SLC25A28: variants seen among roughly 807,000 people sequenced by gnomAD.
The protein encoded by SLC25A28 is solute carrier family 25 member 28.
In SLC25A28, 10 loss-of-function variants were observed where a neutral mutation model predicts 31.9. The observed-to-expected ratio is 0.31, with a 90% CI of 0.19 to 0.53. SLC25A28 has a LOEUF of 0.53. Ranked by LOEUF, SLC25A28 falls within the 20% of genes least tolerant of loss-of-function variation. The pLI is 0.95. For missense variants in SLC25A28, 256 were observed against 490.3 expected, an observed-to-expected ratio of 0.52 and a Z score of 4.51; for synonymous variants, 208 against 203.6, an observed-to-expected ratio of 1.02 and a Z score of -0.19.
chr10:99,613,840 C>T lies in SLC25A28; in HGVS notation c.376G>A (p.Gly126Ser). The T allele has an allele frequency of 6.2e-7, 1 of 1,614,182 alleles. No homozygotes were observed. The highest frequency in any genetic ancestry group is 8.5e-7 in the Non-Finnish European group (1 of 1,180,022). Residue 126 changes from glycine to serine, a missense_variant, in exon 2 of 4, where the codon GGC (glycine) becomes AGC (serine). By Grantham distance (56) the Gly-to-Ser change is moderately conservative (BLOSUM62 0). Transcript: ENST00000370495. This position sits in a 1 kb window ranked among gnomAD's most constrained non-coding sequence, Gnocchi z 4.9. ...EALWRIIRTE[G>S]LWRPMRGLNV... ...AGCCCCCTCATGGGCCTCCATAGGC[C>T]CTCCGTTCTTATAATCCTCCAGAGG...
In SLC25A28 at chr10:99,611,388, A is replaced by G. The variant is rs2034520845; in HGVS notation, c.578-22T>C. 2 of 1,610,584 alleles carry G rather than the reference A, an allele frequency of 1.2e-6. No homozygotes were observed. The highest frequency in any genetic ancestry group is 2.7e-5 in the African/African-American group (2 of 74,938). ...ACCACTAGTAGTGCCATCAACGAGGAAGGAAATGGTGACAGCAGCCAACCG... is the reference window on the plus strand; with the variant it reads ...ACCACTAGTAGTGCCATCAACGAGGGAGGAAATGGTGACAGCAGCCAACCG... On this transcript the variant is annotated intron_variant, in intron 3 of 3. Coordinates refer to ENST00000370495, the MANE Select transcript of SLC25A28 (RefSeq NM_031212.4). The surrounding 1 kb of genome is among the most constrained non-coding windows in gnomAD (Gnocchi z 5.5).
upstream of SLC25A28, among the ~76,000 whole-genome samples, chr10:99,624,671 C>T (rs1165053053): frequency 6.6e-6 from 1 of 152,098 alleles, no homozygotes; most frequent in African/African-American, 2.4e-5. Flanking sequence ...CCTGTCTCTA[C>T]TAAAAATACA....
chr10:99,612,862 T>C (rs1262327376), intron 2 of SLC25A28, among the ~76,000 whole-genome samples: 1 of 152,036 alleles, frequency 6.6e-6, no homozygotes, highest in African/African-American at 2.4e-5. Context: ...TAAAGATCAT[T>C]CTGAGAATAA....
At chr10:99,629,953 C>T in the SLC25A28 span, among the ~76,000 whole-genome samples, 1 of 152,114 alleles carries the variant, frequency 6.6e-6, no homozygotes, top group Non-Finnish European at 1.5e-5. Flanking sequence ...GTGGGTGGAT[C>T]GCTTGAGCCT....
At chr10:99,617,865 A>G (rs773016766) in intron 1 of SLC25A28, 14 of 774,296 alleles carry the variant, frequency 1.8e-5, no homozygotes, top group South Asian at 5.9e-5. Context: ...TAAATGAGTA[A>G]GAACTGTTCT....
At chr10:99,646,749 C>A in the SLC25A28 span, among the ~76,000 whole-genome samples, 1 of 152,208 alleles carries the variant, frequency 6.6e-6, no homozygotes, top group Non-Finnish European at 1.5e-5. Context: ...GTAAAGTCTG[C>A]ACTTTTAGTG....
Position 99,613,654 on chromosome 10 carries a change from G to T in SLC25A28, c.520+42C>A, listed in dbSNP as rs756128535. The T allele has an allele frequency of 6.2e-7, 1 of 1,613,874 alleles. No homozygotes were observed. On this transcript the variant is annotated intron_variant, in intron 2 of 3. Coordinates refer to ENST00000370495, the MANE Select transcript of SLC25A28 (RefSeq NM_031212.4). The surrounding 1 kb of genome is among the most constrained non-coding windows in gnomAD (Gnocchi z 4.9). The stretch of plus-strand genomic sequence containing the variant: ...AGCACTGACAGCAGCAAAGCCCAAA[G>T]AGTTGGGAAAGTGGGGGAACCAGCA...
chr10:99,629,242 C>G, the SLC25A28 span, among the ~76,000 whole-genome samples: 7 of 152,160 alleles, frequency 4.6e-5, no homozygotes, highest in African/African-American at 1.7e-4. Context: ...CACCTCCTGC[C>G]CCATGCCCCT....
At chr10:99,656,621 G>A in the SLC25A28 span, among the ~76,000 whole-genome samples, 2 of 152,130 alleles carry the variant, frequency 1.3e-5, no homozygotes, top group African/African-American at 2.4e-5. Context: ...GAGTGTGGAG[G>A]GAAGGAGAAT....
chr10:99,621,061 C>T, upstream of SLC25A28: 2 of 881,638 alleles, frequency 2.3e-6, no homozygotes, highest in Non-Finnish European at 2.7e-6. Flanking sequence ...CGGGGCCGGC[C>T]TGGGCCGGTC....
intron 1 of SLC25A28, chr10:99,615,356 CAAAA>C (rs146386790): frequency 0.025 from 19,047 of 774,806 alleles, no homozygotes; most frequent in Middle Eastern, 0.029. Context: ...AACTCCATCT[CAAAA>C]AAAAAAAAAA....
At chr10:99,646,708 C>G in the SLC25A28 span, among the ~76,000 whole-genome samples, 1 of 152,202 alleles carries the variant, frequency 6.6e-6, no homozygotes, top group African/African-American at 2.4e-5. Context: ...GAGACAAGTG[C>G]AGATTTCTTA....
chr10:99,614,030 G>C (rs1265741774), intron 1 of SLC25A28, 106 bp from the exon 2 acceptor site: 1 of 1,333,076 alleles, frequency 7.5e-7, no homozygotes, highest in Non-Finnish European at 1.0e-6. Flanking sequence ...ATCTGTGAGA[G>C]GGATATCTGG....
At chr10:99,638,124 A>C in the SLC25A28 span, among the ~76,000 whole-genome samples, 2 of 152,176 alleles carry the variant, frequency 1.3e-5, no homozygotes, top group African/African-American at 4.8e-5. Context: ...AGAATAGAGA[A>C]CCCAGAAATA....
the SLC25A28 span, among the ~76,000 whole-genome samples, chr10:99,646,632 G>A: frequency 3.9e-5 from 6 of 152,174 alleles, no homozygotes; most frequent in South Asian, 2.1e-4. Context: ...AGTCTTCTGC[G>A]TCACTCACGC....
the SLC25A28 span, among the ~76,000 whole-genome samples, chr10:99,641,352 C>A: frequency 6.6e-6 from 1 of 152,204 alleles, no homozygotes; most frequent in Admixed American, 6.5e-5. Flanking sequence ...CTGTTGGCTG[C>A]ATAAATGTCT....
At chr10:99,640,510 T>G in the SLC25A28 span, among the ~76,000 whole-genome samples, 1 of 152,242 alleles carries the variant, frequency 6.6e-6, no homozygotes, top group Non-Finnish European at 1.5e-5. Flanking sequence ...GTTTTATTTT[T>G]TACTCTTAAA....
chr10:99,621,365 C>G (rs1404251112), upstream of SLC25A28: 5 of 152,466 alleles, frequency 3.3e-5, no homozygotes, highest in African/African-American at 1.2e-4. Flanking sequence ...AGGAAGATGT[C>G]GAAATGGGCG....
the SLC25A28 span, among the ~76,000 whole-genome samples, chr10:99,636,122 A>C: frequency 6.6e-6 from 1 of 152,240 alleles, no homozygotes; most frequent in Non-Finnish European, 1.5e-5. Flanking sequence ...GAACAAATGG[A>C]CTTAACAGAT....
Sources: allele counts gnomAD v4.1 joint callset (sites outside exome capture counted in the v4.1 genomes callset), GRCh38; gene constraint gnomAD v4.1.1; non-coding constraint Gnocchi (gnomAD v3.1); transcripts MANE v1.5; gene names NCBI Gene and HGNC (gene_info 2026-07-23, HGNC 2026-07-21).